C18orf54: variants seen among roughly 807,000 people sequenced by gnomAD.
C18orf54 encodes the protein lung adenoma susceptibility protein 2.
In C18orf54, 49 loss-of-function variants were observed where a neutral mutation model predicts 49.3. The ratio of observed to expected loss-of-function variants is 0.99; its 90% CI spans 0.79 to 1.26. The LOEUF is 1.26. Among genes scored for constraint, C18orf54 ranks in the 50% most tolerant of loss-of-function variants. The pLI is 0.00. For synonymous variants in C18orf54, 211 were observed against 216.6 expected, an observed-to-expected ratio of 0.97 and a Z score of 0.23; for missense variants, 687 against 620.6, an observed-to-expected ratio of 1.11 and a Z score of -1.14.
In C18orf54 at chr18:54,360,614, A is replaced by T; in HGVS notation, c.42A>T (p.Glu14Asp). ...SKTKHRLCSQESSVSALLASC... is the reference protein window; with the variant it reads ...SKTKHRLCSQDSSVSALLASC... Reference sequence around the variant, plus strand: ...CAAAACATAGACTTTGTTCTCAGGAATCTTCAGTATCTGCCCTGCTGGCAA... The same window carrying T: ...CAAAACATAGACTTTGTTCTCAGGATTCTTCAGTATCTGCCCTGCTGGCAA... The change falls in exon 3 of 9, where the codon GAA becomes GAT. Residue 14 changes from glutamate to aspartate, a missense_variant. Coordinates refer to ENST00000620105, the MANE Select transcript of C18orf54 (RefSeq NM_001288980.2). 6.2e-7 allele frequency: 1 copy of T among 1,614,088 alleles called. No individual in the cohort carries two copies. The highest frequency in any genetic ancestry group is 8.5e-7 in the Non-Finnish European group (1 of 1,179,948).
At position 54,372,569 on chromosome 18, in the gene C18orf54, C is replaced by G; in HGVS notation, c.1430C>G (p.Thr477Ser). The G allele has an allele frequency of 1.2e-6, 2 of 1,606,760 alleles. No homozygotes were observed. The highest frequency in any genetic ancestry group is 1.7e-6 in the Non-Finnish European group (2 of 1,176,220). The change falls in exon 7 of 9, where the codon ACC (threonine) becomes AGC (serine). Residue 477 changes from threonine to serine, a missense_variant. Physicochemically the swap from Thr to Ser is moderately conservative, Grantham distance 58. Coordinates refer to ENST00000620105, the MANE Select transcript of C18orf54 (RefSeq NM_001288980.2). ...AVQERFNQNK[T>S]TDPKEEIKQV... ...CAAGAACGTTTTAATCAAAATAAGA[C>G]CACAGATCCAAAAGAAGAGATTAAA...
chr18:54,366,293 A>AC (rs1358748646), intron 6 of C18orf54, among the ~76,000 whole-genome samples: 1 of 151,656 alleles, frequency 6.6e-6, no homozygotes, highest in Non-Finnish European at 1.5e-5. Flanking sequence ...CCTCCCTCCT[A>AC]CCTTTCCCAG....
At chr18:54,369,193 CAT>C (rs1272348841) in intron 6 of C18orf54, among the ~76,000 whole-genome samples, 4 of 152,096 alleles carry the variant, frequency 2.6e-5, no homozygotes, top group Non-Finnish European at 5.9e-5. Flanking sequence ...TATCTGTGTA[CAT>C]ATATGTGTAT....
intron 3 of C18orf54, among the ~76,000 whole-genome samples, 176 bp downstream of exon 3, chr18:54,361,031 T>C (rs113962319): frequency 6.6e-6 from 1 of 152,228 alleles, no homozygotes; most frequent in Non-Finnish European, 1.5e-5. Context: ...AACAGTAATA[T>C]TCACAAGATG....
chr18:54,365,701 C>G lies in C18orf54; in HGVS notation c.1224-18C>G. 1 of 1,466,834 alleles carries G rather than the reference C, an allele frequency of 6.8e-7. No individual in the cohort carries two copies. The highest frequency in any genetic ancestry group is 9.4e-7 in the Non-Finnish European group (1 of 1,063,208). 90.9% of individuals were successfully genotyped at this position (1,466,834 alleles called of 1,614,324 possible). ...TGGGAACTTAATTGCTATCTTGCAT[C>G]CTTTAAATCCTGTTTAGCAAATCTC... On this transcript the variant is annotated intron_variant, in intron 5 of 8. Coordinates refer to ENST00000620105, the MANE Select transcript of C18orf54 (RefSeq NM_001288980.2).
At chr18:54,366,768 T>A (rs996223117) in intron 6 of C18orf54, among the ~76,000 whole-genome samples, 2 of 151,792 alleles carry the variant, frequency 1.3e-5, no homozygotes, top group Admixed American at 1.3e-4. Context: ...ATACCTGTAA[T>A]ACTAACACTT....
In C18orf54 at chr18:54,369,486, TTTG is replaced by T. The variant is rs1187552073; in HGVS notation, c.1327-2979_1327-2977del. The stretch of plus-strand genomic sequence containing the variant: ...TATTGCTTTTTTTTTTTTTTTTTTT[TTTG>T]GAGACAGTCTTACTCTGTCTCCCAG... On this transcript the variant is annotated intron_variant, in intron 6 of 8. Coordinates refer to ENST00000620105, the MANE Select transcript of C18orf54 (RefSeq NM_001288980.2). Among the ~76,000 whole-genome samples, 556 of 136,212 alleles carry T rather than the reference TTTG, an allele frequency of 4.1e-3. 2 individuals are homozygous for T. The highest frequency in any genetic ancestry group is 6.1e-3 in the Non-Finnish European group (377 of 62,184). 89.4% of individuals were successfully genotyped at this position (136,212 alleles called of 152,430 possible). A position where few individuals can be genotyped will look rare whatever the true frequency, so the allele number is the denominator to read the frequency against.
chr18:54,362,279 A>G lies in C18orf54; in HGVS notation c.920A>G (p.Asp307Gly), dbSNP rs780833606. 2 of 1,536,382 alleles carry G rather than the reference A, an allele frequency of 1.3e-6. No individual in the cohort carries two copies. Among genetic ancestry groups the G allele is most frequent in the South Asian group, 1.2e-5 (1 of 84,062 alleles). The stretch of plus-strand genomic sequence containing the variant: ...ACTTCTCGGCTTATCAATAAATTAG[A>G]TTGTTTTGAATATGCTTTTGAACCC... ...QGTSRLINKL[D>G]CFEYAFEPSN... is the part of the protein sequence containing the mutation. The change falls in exon 4 of 9, where the codon GAT becomes GGT. Residue 307 changes from aspartate to glycine, a missense_variant. Physicochemically the swap from Asp to Gly is moderately conservative, Grantham distance 94. Transcript: ENST00000620105.
chr18:54,370,389 G>A (rs569390150), intron 6 of C18orf54, among the ~76,000 whole-genome samples: 1 of 152,114 alleles, frequency 6.6e-6, no homozygotes, highest in Admixed American at 6.5e-5. Context: ...AGGAAGATAT[G>A]CATAGGTTAT....
At chr18:54,369,368 G>A (rs1390257501) in intron 6 of C18orf54, among the ~76,000 whole-genome samples, 1 of 149,322 alleles carries the variant, frequency 6.7e-6, no homozygotes, top group African/African-American at 2.5e-5. Context: ...TTACTTGTTT[G>A]TTCAGTCTTA....
intron 6 of C18orf54, among the ~76,000 whole-genome samples, chr18:54,366,774 C>A (rs1022395693): frequency 6.6e-5 from 10 of 151,298 alleles, no homozygotes; most frequent in Admixed American, 3.3e-4. Flanking sequence ...GTAATACTAA[C>A]ACTTTGGGTG....
At chr18:54,373,262 T>C (rs71368966) in intron 7 of C18orf54, among the ~76,000 whole-genome samples, 28,539 of 151,356 alleles carry the variant, frequency 0.19, 3,280 homozygotes, top group East Asian at 0.29. Flanking sequence ...TCATTTAACC[T>C]CTTTAGTTTC....
chr18:54,365,690 C>T, intron 5 of C18orf54, 29 bp from the exon 6 acceptor site: 1 of 1,341,550 alleles, frequency 7.5e-7, no homozygotes, highest in Non-Finnish European at 1.0e-6. Context: ...AACTTAATTG[C>T]TATCTTGCAT....
intron 6 of C18orf54, among the ~76,000 whole-genome samples, chr18:54,370,725 T>C (rs1049260963): frequency 1.3e-5 from 2 of 152,200 alleles, no homozygotes; most frequent in African/African-American, 4.8e-5. Flanking sequence ...TTTCTAGTTT[T>C]CTGTCTTCTT....
At chr18:54,369,442 C>T (rs1337509736) in intron 6 of C18orf54, among the ~76,000 whole-genome samples, 1 of 144,776 alleles carries the variant, frequency 6.9e-6, no homozygotes, top group African/African-American at 2.5e-5. Flanking sequence ...AATGTACTAA[C>T]TAGATTACAT....
intron 8 of C18orf54, 39 bp from the exon 9 acceptor site, chr18:54,378,135 A>G: frequency 6.5e-7 from 1 of 1,527,802 alleles, no homozygotes; most frequent in Non-Finnish European, 8.9e-7. Context: ...TCAGTTCTTA[A>G]TAACTGGTTT....
intron 6 of C18orf54, among the ~76,000 whole-genome samples, chr18:54,370,911 G>A (rs2089475082): frequency 6.6e-6 from 1 of 151,610 alleles, no homozygotes; most frequent in Non-Finnish European, 1.5e-5. Context: ...CCAGGGTGTA[G>A]GAGTATATCC....
chr18:54,372,664 T>G, intron 7 of C18orf54, 67 bp downstream of exon 7: 1 of 1,385,460 alleles, frequency 7.2e-7, no homozygotes, highest in Non-Finnish European at 9.8e-7. Flanking sequence ...TCTACATCTT[T>G]TAATAGACCT....
chr18:54,368,914 GC>G (rs1469706065), intron 6 of C18orf54, among the ~76,000 whole-genome samples: 7 of 152,282 alleles, frequency 4.6e-5, no homozygotes, highest in Middle Eastern at 3.4e-3. Context: ...TAGTTACGCT[GC>G]TGTTCAAATT....
Sources: gnomAD v4.1 joint callset for allele counts (sites outside exome capture counted in the v4.1 genomes callset) on GRCh38, gnomAD v4.1.1 for gene constraint, MANE v1.5 for transcripts, NCBI Gene and HGNC (gene_info 2026-07-23, HGNC 2026-07-21) for gene names.